FBN2: variants seen among roughly 807,000 people sequenced by gnomAD.
FBN2 encodes fibrillin-2.
Under a neutral mutation model 355.6 loss-of-function variants are expected in FBN2, and 105 were observed. The ratio of observed to expected loss-of-function variants is 0.30; its 90% CI spans 0.25 to 0.35. The LOEUF (loss-of-function observed/expected upper bound fraction) is 0.35. Among genes scored for constraint, FBN2 ranks in the 10% least tolerant of loss-of-function variants. The pLI, the probability that FBN2 is intolerant of heterozygous loss-of-function variation, is 1.00. For missense variants in FBN2, 3,280 were observed against 3,758.7 expected (o/e 0.87, Z 3.33); for synonymous variants, 1,350 against 1,301.2 (o/e 1.04, Z -0.81).
chr5:128,429,522 A>G (rs1753567090), intron 7 of FBN2, among the ~76,000 whole-genome samples: 1 of 152,244 alleles, frequency 6.6e-6, no homozygotes, highest in Non-Finnish European at 1.5e-5. Context: ...GTAATTAACT[A>G]GCCATTGCAA....
chr5:128,294,652 G>A (rs1252907465), intron 48 of FBN2, among the ~76,000 whole-genome samples: 1 of 147,458 alleles, frequency 6.8e-6, no homozygotes, highest in African/African-American at 2.5e-5. Flanking sequence ...AGAAGTGTCT[G>A]TTCATGTCCT....
At position 128,335,547 on chromosome 5, in the gene FBN2, C is replaced by T. The variant is rs1219578759; in HGVS notation, c.3755G>A (p.Gly1252Asp). 2 of 1,613,968 alleles carry T rather than the reference C, an allele frequency of 1.2e-6. No individual in the cohort carries two copies. The highest frequency in any genetic ancestry group is 1.7e-6 in the Non-Finnish European group (2 of 1,179,944). ...TGAATTTGTGCACTGGGTGTCACAGCCTCCGTTCATTATCATACATTCATC... is the reference window on the plus strand; with the variant it reads ...TGAATTTGTGCACTGGGTGTCACAGTCTCCGTTCATTATCATACATTCATC... ...DIDECMIMNG[G>D]CDTQCTNSEG... Residue 1252 changes from glycine to aspartate, a missense_variant, in exon 29 of 65, where the codon GGC (glycine) becomes GAC (aspartate). Coordinates refer to ENST00000262464, the MANE Select transcript of FBN2 (RefSeq NM_001999.4).
In FBN2 at chr5:128,464,594, T is replaced by C. The variant is rs1581319943; in HGVS notation, c.826+130A>G. 8.6e-6 allele frequency: 8 copies of C among 925,556 alleles called. No homozygotes were observed. The East Asian group carries it at 1.9e-4, about 22-fold the overall frequency. 57.3% of individuals were successfully genotyped at this position (925,556 alleles called of 1,614,324 possible). A position where few individuals can be genotyped will look rare whatever the true frequency, so the allele number is the denominator to read the frequency against. Reference sequence around the variant, plus strand: ...AAAGATAAACCTTCTCTGGTCAGGGTTGTTAACGAGGCCACTCTTGGAAAT... The same window carrying C: ...AAAGATAAACCTTCTCTGGTCAGGGCTGTTAACGAGGCCACTCTTGGAAAT... On this transcript the variant is annotated intron_variant, in intron 6 of 64. Transcript: ENST00000262464.
intron 8 of FBN2, among the ~76,000 whole-genome samples, chr5:128,402,586 G>A (rs1243369374): frequency 6.6e-6 from 1 of 152,140 alleles, no homozygotes. Flanking sequence ...TGAAAACTTG[G>A]CAAAAATTGG....
intron 25 of FBN2, among the ~76,000 whole-genome samples, chr5:128,341,889 C>T (rs153977): frequency 0.043 from 6,492 of 152,242 alleles, 179 homozygotes; most frequent in Non-Finnish European, 0.064. Flanking sequence ...TGAAAGAATT[C>T]GCATAACTTT....
chr5:128,474,075 A>G (rs1754945859), intron 5 of FBN2, among the ~76,000 whole-genome samples: 1 of 152,180 alleles, frequency 6.6e-6, no homozygotes, highest in Non-Finnish European at 1.5e-5. Flanking sequence ...CAAAATTGCT[A>G]TCTTTGATGT....
chr5:128,518,390 C>T (rs1295363116), intron 5 of FBN2, among the ~76,000 whole-genome samples: 4 of 152,080 alleles, frequency 2.6e-5, no homozygotes, highest in Admixed American at 1.3e-4. Context: ...TTGGACAATG[C>T]GGGATGCCTA....
At chr5:128,349,712 T>C (rs1050123365) in intron 22 of FBN2, among the ~76,000 whole-genome samples, 4 of 152,230 alleles carry the variant, frequency 2.6e-5, no homozygotes, top group African/African-American at 9.6e-5. Context: ...CCAGCTGTTC[T>C]GGGCCTTAAA....
intron 5 of FBN2, among the ~76,000 whole-genome samples, chr5:128,509,543 G>C (rs1200099828): frequency 1.3e-5 from 2 of 151,966 alleles, no homozygotes; most frequent in Middle Eastern, 3.2e-3. Context: ...TAACATCTTT[G>C]TCAGTTTGGG....
intron 6 of FBN2, among the ~76,000 whole-genome samples, chr5:128,454,378 ACT>A: frequency 6.6e-6 from 1 of 152,200 alleles, no homozygotes; most frequent in African/African-American, 2.4e-5. Context: ...TTTAGGAATA[ACT>A]TGTGTTAATA....
chr5:128,288,270 A>G (rs897430496), intron 53 of FBN2, among the ~76,000 whole-genome samples, 168 bp downstream of exon 53: 3 of 152,212 alleles, frequency 2.0e-5, no homozygotes, highest in Non-Finnish European at 4.4e-5. Flanking sequence ...TTTTAACTGT[A>G]CTAAAGGAAA....
At position 128,395,202 on chromosome 5, in the gene FBN2, G is replaced by C; in HGVS notation, c.1151C>G (p.Thr384Arg). ...RCAQELPGRM[T>R]KMQCCCEPGR... Reference sequence around the variant, plus strand: ...AGGCTCACAGCAGCACTGCATTTTCGTCATTCTCCCCGGGAGCTCTTGTGC... The same window carrying C: ...AGGCTCACAGCAGCACTGCATTTTCCTCATTCTCCCCGGGAGCTCTTGTGC... The change falls in exon 9 of 65, where the codon ACG (threonine) becomes AGG (arginine). Residue 384 changes from threonine to arginine, a missense_variant. Thr to Arg is a moderately conservative substitution (Grantham distance 71). Coordinates refer to ENST00000262464, the MANE Select transcript of FBN2 (RefSeq NM_001999.4). 6.2e-7 allele frequency: 1 copy of C among 1,614,040 alleles called. No homozygotes were observed. Among genetic ancestry groups the C allele is most frequent in the Non-Finnish European group, 8.5e-7 (1 of 1,180,004 alleles).
intron 7 of FBN2, among the ~76,000 whole-genome samples, chr5:128,426,857 AC>A (rs1753496740): frequency 6.6e-6 from 1 of 152,110 alleles, no homozygotes; most frequent in African/African-American, 2.4e-5. Flanking sequence ...AATCTCCCTG[AC>A]TTTTCCTTCC....
intron 6 of FBN2, among the ~76,000 whole-genome samples, chr5:128,450,833 C>G (rs746767540): frequency 2.0e-5 from 3 of 152,040 alleles, no homozygotes; most frequent in Non-Finnish European, 4.4e-5. Context: ...TCTCTTCAAA[C>G]TTACAAGCTT....
chr5:128,383,312 A>G (rs1365069462), intron 11 of FBN2, among the ~76,000 whole-genome samples: 1 of 152,116 alleles, frequency 6.6e-6, no homozygotes, highest in African/African-American at 2.4e-5. Flanking sequence ...ACTTCATACA[A>G]TATTAAAAAA....
intron 5 of FBN2, among the ~76,000 whole-genome samples, chr5:128,475,395 G>C (rs561755784): frequency 6.6e-6 from 1 of 152,084 alleles, no homozygotes; most frequent in Non-Finnish European, 1.5e-5. Flanking sequence ...TCAATATTTA[G>C]ACTCAACAGA....
In FBN2 at chr5:128,263,609, A is replaced by G; in HGVS notation, c.8008T>C (p.Tyr2670His). Residue 2670 changes from tyrosine (Y) to histidine (H), a missense_variant, in exon 63 of 65, where the codon TAC becomes CAC. This residue lies in a region of FBN2 where 311 missense variants were observed against 319.1 expected (regional missense o/e 0.97). Transcript: ENST00000262464. ...CACTTGTAACTCCCCAGGGTGTTGT[A>G]GCAGGAAGCAGAGCCACAGGCATTG... ...NPNACGSASC[Y>H]NTLGSYKCAC... is the part of the protein sequence containing the mutation. The G allele has an allele frequency of 6.2e-7, 1 of 1,614,148 alleles. No individual in the cohort carries two copies. Among genetic ancestry groups the G allele is most frequent in the Non-Finnish European group, 8.5e-7 (1 of 1,180,002 alleles).
At chr5:128,507,454 A>C (rs1755993591) in intron 5 of FBN2, among the ~76,000 whole-genome samples, 1 of 152,030 alleles carries the variant, frequency 6.6e-6, no homozygotes, top group African/African-American at 2.4e-5. Context: ...TACAAGGTAA[A>C]TGCTATATAA....
chr5:128,263,291 T>C (rs1765022915), intron 63 of FBN2, 134 bp downstream of exon 63: 2 of 731,310 alleles, frequency 2.7e-6, no homozygotes, highest in East Asian at 2.5e-5. Context: ...TTTATCTGCA[T>C]ACCCGAAGAG....
Sources: allele counts gnomAD v4.1 joint callset (sites outside exome capture counted in the v4.1 genomes callset), GRCh38; gene constraint gnomAD v4.1.1; regional missense constraint gnomAD v4.1.1; transcripts MANE v1.5; gene names NCBI Gene and HGNC (gene_info 2026-07-23, HGNC 2026-07-21).